Variants in VPS54 observed in about 807,000 individuals in gnomAD.
The protein encoded by VPS54 is vacuolar protein sorting-associated protein 54.
VPS54 carries 45 observed loss-of-function variants against 121.5 expected under a neutral mutation model. That is an observed-to-expected ratio of 0.37 (90% confidence interval 0.29 to 0.47). The LOEUF (loss-of-function observed/expected upper bound fraction) is 0.47. VPS54 is among the 20% of genes least tolerant of loss of function. VPS54 has a pLI of 0.99. For missense variants in VPS54, 1,090 were observed against 1,131.4 expected (o/e 0.96, Z 0.52); for synonymous variants, 371 against 385.8 (o/e 0.96, Z 0.45).
intron 11 of VPS54, among the ~76,000 whole-genome samples, chr2:63,938,166 T>G (rs1674553982): frequency 6.6e-6 from 1 of 151,516 alleles, no homozygotes; most frequent in African/African-American, 2.4e-5. Flanking sequence ...AGGATCTTCC[T>G]AGGTTGCCCA....
intron 7 of VPS54, among the ~76,000 whole-genome samples, chr2:63,950,533 A>G (rs1675191465): frequency 6.6e-6 from 1 of 152,170 alleles, no homozygotes; most frequent in African/African-American, 2.4e-5. Context: ...GACTTCAGAG[A>G]CAAAGCATTA....
Position 63,944,629 on chromosome 2 carries a change from T to A in VPS54, c.1272A>T (p.Thr424=). The part of the protein sequence containing the change: ...KQCVINKVSQ[T]EEIDTDVVVK... ...CAACAACATCTGTGTCTATTTCTTCTGTTTGTGAAACTTTATTAATCACAC... is the reference window on the plus strand; with the variant it reads ...CAACAACATCTGTGTCTATTTCTTCAGTTTGTGAAACTTTATTAATCACAC... The change falls in exon 10 of 23, where the codon ACA becomes ACT. Residue 424 remains threonine (T), a synonymous_variant. Coordinates refer to ENST00000272322, the MANE Select transcript of VPS54 (RefSeq NM_016516.3). The A allele has an allele frequency of 6.2e-7, 1 of 1,610,420 alleles. No individual in the cohort carries two copies. Among genetic ancestry groups the A allele is most frequent in the Non-Finnish European group, 8.5e-7 (1 of 1,178,664 alleles).
chr2:63,905,188 AGAAAATAAATAACACAGACTGGAGCAG>A (rs1459058096), intron 20 of VPS54, among the ~76,000 whole-genome samples: 2 of 152,174 alleles, frequency 1.3e-5, no homozygotes, highest in Non-Finnish European at 2.9e-5. Flanking sequence ...AAAAGAAAAT[AGAAAATAAATAACACAGACTGGAGCAG>A]GAAAATAAAA....
At chr2:64,005,136 C>T (rs576207428) in intron 1 of VPS54, among the ~76,000 whole-genome samples, 1 of 108,748 alleles carries the variant, frequency 9.2e-6, no homozygotes, top group Admixed American at 1.2e-4. Context: ...CGGAGTCCCG[C>T]TCTTTAGCCC....
chr2:63,949,548 C>T (rs886490792), intron 7 of VPS54, among the ~76,000 whole-genome samples: 3 of 152,054 alleles, frequency 2.0e-5, no homozygotes, highest in Admixed American at 6.6e-5. Flanking sequence ...TATATTCTTA[C>T]AATAAAGCTA....
chr2:63,942,102 A>G (rs1164060345), intron 11 of VPS54, among the ~76,000 whole-genome samples: 1 of 151,760 alleles, frequency 6.6e-6, no homozygotes, highest in African/African-American at 2.4e-5. Flanking sequence ...AAACACCATT[A>G]TATCAACATT....
intron 1 of VPS54, among the ~76,000 whole-genome samples, chr2:64,004,876 G>A (rs567174817): frequency 6.6e-6 from 1 of 152,090 alleles, no homozygotes; most frequent in African/African-American, 2.4e-5. Flanking sequence ...CCTCCTGGGT[G>A]CAAGCGATCC....
chr2:64,005,269 A>T (rs554622053), intron 1 of VPS54, among the ~76,000 whole-genome samples: 1,848 of 147,072 alleles, frequency 0.013, 17 homozygotes, highest in Non-Finnish European at 0.015. Context: ...GCGCCCGGCT[A>T]ATTTTTTGTA....
At chr2:63,968,420 AAAAG>A (rs1253267299) in intron 5 of VPS54, among the ~76,000 whole-genome samples, 1 of 152,030 alleles carries the variant, frequency 6.6e-6, no homozygotes, top group Non-Finnish European at 1.5e-5. Context: ...TAAAAAAAAA[AAAAG>A]AAAAAGGCCA....
chr2:63,927,261 C>G (rs888749712), intron 12 of VPS54, among the ~76,000 whole-genome samples: 7 of 152,114 alleles, frequency 4.6e-5, no homozygotes, highest in African/African-American at 1.7e-4. Context: ...AGTAGGGGGC[C>G]GACAGACACC....
intron 7 of VPS54, among the ~76,000 whole-genome samples, chr2:63,953,311 T>C (rs1318585302): frequency 6.6e-6 from 1 of 152,000 alleles, no homozygotes; most frequent in Non-Finnish European, 1.5e-5. Context: ...TTTGTGTTTT[T>C]AGTAAAAGAC....
rs760863886 is a variant in VPS54 at position 63,942,504 on chromosome 2, A to G, written c.1359T>C (p.Asp453=). The change falls in exon 11 of 23, where the codon GAT becomes GAC. Residue 453 remains aspartate, a synonymous_variant. Transcript: ENST00000272322. ...NFPQWFDLLK[D]IFSKFTIFLQ... The stretch of plus-strand genomic sequence containing the variant: ...GGAAAATTGTAAACTTAGAGAAAAT[A>G]TCCTTGAGCAGATCAAACCACTGGG... 7 of 1,598,130 alleles carry G rather than the reference A, an allele frequency of 4.4e-6. No homozygotes were observed. In the East Asian group the frequency reaches 1.6e-4, roughly 36 times the overall value.
In VPS54 at chr2:63,909,130, C is replaced by G. The variant is rs368933456; in HGVS notation, c.2625+3215G>C. 1.6e-4 allele frequency among the ~76,000 whole-genome samples: 25 copies of G among 152,278 alleles called. No individual in the cohort carries two copies. In the East Asian group the frequency reaches 2.3e-3, roughly 14 times the overall value. Reference sequence around the variant, plus strand: ...CATCTCTTCCAAAGCCTTAAAAGCTCCAGCACTAAATTAGCTCCTTATTTG... The same window carrying G: ...CATCTCTTCCAAAGCCTTAAAAGCTGCAGCACTAAATTAGCTCCTTATTTG... On this transcript the variant is annotated intron_variant, in intron 20 of 22. Transcript: ENST00000272322.
intron 1 of VPS54, among the ~76,000 whole-genome samples, chr2:64,013,661 GATAT>G (rs199567924): frequency 2.9e-5 from 4 of 139,790 alleles, no homozygotes; most frequent in East Asian, 2.0e-4. Context: ...GATATATATT[GATAT>G]ATATATCTAT....
chr2:64,002,534 T>C (rs1032204627), intron 1 of VPS54, among the ~76,000 whole-genome samples: 2 of 152,226 alleles, frequency 1.3e-5, no homozygotes, highest in African/African-American at 2.4e-5. Flanking sequence ...AAATTAGATA[T>C]TCATTCTGAC....
At chr2:63,913,195 C>CA (rs1409490415) in intron 18 of VPS54, 28 bp downstream of exon 18, 5 of 1,581,274 alleles carry the variant, frequency 3.2e-6, no homozygotes, top group Non-Finnish European at 4.3e-6. Context: ...AACACTTCAG[C>CA]AAGTGAATTA....
chr2:63,921,821 A>G lies in VPS54; in HGVS notation c.1740-486T>C, dbSNP rs150767683. Among the ~76,000 whole-genome samples the G allele has an allele frequency of 5.6e-3, 860 of 152,344 alleles. 5 individuals carry two copies. The highest frequency in any genetic ancestry group is 0.019 in the South Asian group (92 of 4,832). On this transcript the variant is annotated intron_variant, in intron 12 of 22. Transcript: ENST00000272322. The stretch of plus-strand genomic sequence containing the variant: ...GTCATAACCTTAAATAAGAATTTTC[A>G]TTCTCCACTGTAGTATTTTCAACAC...
At chr2:63,953,944 A>T (rs112641767) in intron 7 of VPS54, among the ~76,000 whole-genome samples, 5 of 152,314 alleles carry the variant, frequency 3.3e-5, no homozygotes, top group African/African-American at 1.2e-4. Flanking sequence ...TCTCAGAACA[A>T]TATTATTAAT....
At chr2:63,974,863 C>A in intron 3 of VPS54, 3 of 1,090,156 alleles carry the variant, frequency 2.8e-6, no homozygotes, top group South Asian at 2.2e-5. Flanking sequence ...CATAGACGAT[C>A]ATTTCATCTG....
Sources: gnomAD v4.1 joint callset for allele counts (sites outside exome capture counted in the v4.1 genomes callset) on GRCh38, gnomAD v4.1.1 for gene constraint, MANE v1.5 for transcripts, NCBI Gene and HGNC (gene_info 2026-07-23, HGNC 2026-07-21) for gene names.